The following PUM1 variants were observed in gnomAD, a reference collection of about 807,000 sequenced individuals.
PUM1 encodes pumilio RNA binding family member 1.
In PUM1, 13 loss-of-function variants were observed where a neutral mutation model predicts 131.8. The observed-to-expected ratio is 0.10, with a 90% confidence interval of 0.06 to 0.16. PUM1 has a LOEUF of 0.16. Among genes scored for constraint, PUM1 ranks in the 10% least tolerant of loss-of-function variants. The pLI is 1.00. For missense variants in PUM1, 961 were observed against 1,512.4 expected (o/e 0.64, Z 6.05); for synonymous variants, 509 against 556.5 (o/e 0.91, Z 1.20).
intron 2 of PUM1, chr1:31,050,938 G>GT (rs1644093698): frequency 4.4e-6 from 1 of 225,016 alleles, no homozygotes; most frequent in East Asian, 1.2e-4. Flanking sequence ...CTCTTGTTGC[G>GT]TATGCTCAGA....
At chr1:30,942,194 TATATATATATA>T (rs1639470853) in intron 18 of PUM1, 71 bp from the exon 19 acceptor site, 1,792 of 163,610 alleles carry the variant, frequency 0.011, 292 homozygotes, top group South Asian at 0.027. Flanking sequence ...GTATTGTTTA[TATATATATATA>T]TATATATATA....
chr1:30,982,747 AGATTTGGCTACCCTCTACAC>A (rs1235611513), intron 7 of PUM1, among the ~76,000 whole-genome samples: 1 of 152,176 alleles, frequency 6.6e-6, no homozygotes, highest in African/African-American at 2.4e-5. Flanking sequence ...TTTTATCCTG[AGATTTGGCTACCCTCTACAC>A]CTCAAACATG....
At chr1:30,959,661 A>G (rs1475362411) in intron 14 of PUM1, among the ~76,000 whole-genome samples, 1 of 152,186 alleles carries the variant, frequency 6.6e-6, no homozygotes, top group Non-Finnish European at 1.5e-5. Context: ...TAATCCCAAC[A>G]CTTTGGGAGG....
intron 10 of PUM1, among the ~76,000 whole-genome samples, chr1:30,970,017 A>G (rs148266064): frequency 6.3e-4 from 96 of 152,288 alleles, no homozygotes; most frequent in African/African-American, 2.1e-3. Flanking sequence ...AGCAATCATT[A>G]TTATTCTGAA....
intron 3 of PUM1, among the ~76,000 whole-genome samples, chr1:31,008,328 A>G (rs1193160160): frequency 6.6e-6 from 1 of 152,114 alleles, no homozygotes; most frequent in Non-Finnish European, 1.5e-5. Flanking sequence ...TACTGCCTGG[A>G]CCAAAGCAGT....
intron 4 of PUM1, among the ~76,000 whole-genome samples, chr1:31,006,659 A>G (rs1412564498): frequency 6.6e-6 from 1 of 152,246 alleles, no homozygotes; most frequent in Non-Finnish European, 1.5e-5. Flanking sequence ...GGGGAGAAAA[A>G]GAAACATGAA....
chr1:30,939,106 C>T (rs540230404), intron 20 of PUM1, among the ~76,000 whole-genome samples: 1 of 152,282 alleles, frequency 6.6e-6, no homozygotes, highest in East Asian at 1.9e-4. Context: ...TCATTTTAGA[C>T]TACCCACTGA....
At chr1:30,967,974 T>C (rs1261475038) in intron 11 of PUM1, among the ~76,000 whole-genome samples, 1 of 152,228 alleles carries the variant, frequency 6.6e-6, no homozygotes, top group Admixed American at 6.5e-5. Flanking sequence ...GGGATGACCC[T>C]ATCAAGGTAT....
chr1:31,002,423 A>G (rs1032587497), intron 5 of PUM1, among the ~76,000 whole-genome samples: 2 of 149,236 alleles, frequency 1.3e-5, no homozygotes, highest in African/African-American at 4.9e-5. Context: ...GTTTAGAGTG[A>G]TCTTCTCATT....
chr1:31,011,074 CT>C (rs1642595524), intron 3 of PUM1, among the ~76,000 whole-genome samples: 1 of 151,934 alleles, frequency 6.6e-6, no homozygotes, highest in Non-Finnish European at 1.5e-5. Flanking sequence ...GGGAAGACTC[CT>C]TGAGCCCAGA....
At chr1:31,062,466 A>T (rs1278296620) in intron 1 of PUM1, among the ~76,000 whole-genome samples, 2 of 152,076 alleles carry the variant, frequency 1.3e-5, no homozygotes, top group African/African-American at 2.4e-5. Context: ...CTAAAAATAT[A>T]AAAAGTAGCC....
chr1:30,960,041 T>C (rs1426639001), intron 14 of PUM1, among the ~76,000 whole-genome samples: 1 of 152,168 alleles, frequency 6.6e-6, no homozygotes, highest in Non-Finnish European at 1.5e-5. Context: ...CCAACTGTGA[T>C]TATGCTTAAT....
At chr1:31,019,477 A>G (rs1203303166) in intron 3 of PUM1, among the ~76,000 whole-genome samples, 1 of 152,228 alleles carries the variant, frequency 6.6e-6, no homozygotes, top group East Asian at 1.9e-4. Flanking sequence ...GCACACACCA[A>G]AGAATACAAC....
rs1351906630 is a variant in PUM1, at chr1:31,055,268, G to A, written c.363+3936C>T. 3 of 450,038 alleles carry A rather than the reference G, an allele frequency of 6.7e-6. No homozygotes were observed. The East Asian group carries it at 2.1e-4, about 31-fold the overall frequency. The allele number at this position is 450,038 out of a possible 1,614,324, so 27.9% of individuals were successfully genotyped here. On this transcript the variant is annotated intron_variant, in intron 2 of 21. Transcript: ENST00000426105. Reference sequence around the variant, plus strand: ...TCAAGTGGCCTCTACCTGTTGCCATGTGTTTCCCAGCAGGATGACTGAGCT... The same window carrying A: ...TCAAGTGGCCTCTACCTGTTGCCATATGTTTCCCAGCAGGATGACTGAGCT...
intron 20 of PUM1, 102 bp downstream of exon 20, chr1:30,941,049 A>AAACAAC (rs3838989): frequency 1.3e-5 from 17 of 1,346,958 alleles, no homozygotes; most frequent in African/African-American, 2.9e-5. Flanking sequence ...TATACTTTGA[A>AAACAAC]AACAACAACA....
chr1:31,039,276 T>C (rs12567978), intron 2 of PUM1, among the ~76,000 whole-genome samples: 1 of 151,388 alleles, frequency 6.6e-6, no homozygotes, highest in African/African-American at 2.4e-5. Context: ...TGGAGTGCAG[T>C]GGCACGATCT....
intron 2 of PUM1, among the ~76,000 whole-genome samples, chr1:31,048,538 G>A (rs1392060499): frequency 6.6e-6 from 1 of 150,470 alleles, no homozygotes; most frequent in Non-Finnish European, 1.5e-5. Flanking sequence ...GCAATGGTGC[G>A]ATCTCGGCTC....
Position 30,938,888 on chromosome 1 carries a change from TAGATAGATAGATAGATAGACAGAC to T in PUM1, c.3243-2077_3243-2054del, listed in dbSNP as rs1362501942. 4.9e-5 allele frequency among the ~76,000 whole-genome samples: 5 copies of T among 103,030 alleles called. No homozygotes were observed. The East Asian group carries it at 9.8e-4, about 20-fold the overall frequency. The allele number at this position is 103,030 out of a possible 152,430, so 67.6% of individuals were successfully genotyped here. A position where few individuals can be genotyped will look rare whatever the true frequency, so the allele number is the denominator to read the frequency against. Reference sequence around the variant, plus strand: ...TCATTCATAGATAGAGATAGATAGATAGATAGATAGATAGATAGACAGACAGACAGACAGACAGACAGACAGACA... The same window carrying T: ...TCATTCATAGATAGAGATAGATAGATAGACAGACAGACAGACAGACAGACA... On this transcript the variant is annotated intron_variant, in intron 20 of 21. Coordinates refer to ENST00000426105, the MANE Select transcript of PUM1 (RefSeq NM_001020658.2).
rs72659211 is a variant in PUM1, at chr1:31,029,271, G to A, written c.364-407C>T. On this transcript the variant is annotated intron_variant, in intron 2 of 21. Coordinates refer to ENST00000426105, the MANE Select transcript of PUM1 (RefSeq NM_001020658.2). The stretch of plus-strand genomic sequence containing the variant: ...CTCCTCCCCAGTTGTGAACAGTTAA[G>A]TTAAATTAGGGAGTGCATTTGATTC... Among the ~76,000 whole-genome samples, 987 of 152,334 alleles carry A rather than the reference G, an allele frequency of 6.5e-3. 7 individuals are homozygous for A. Among genetic ancestry groups the A allele is most frequent in the Non-Finnish European group, 9.4e-3 (640 of 68,026 alleles).
Sources: gnomAD v4.1 joint callset for allele counts (sites outside exome capture counted in the v4.1 genomes callset) on GRCh38, gnomAD v4.1.1 for gene constraint, MANE v1.5 for transcripts, NCBI Gene and HGNC (gene_info 2026-07-23, HGNC 2026-07-21) for gene names.